Variants in ADAMTS9 observed in about 807,000 individuals in gnomAD.
The protein encoded by ADAMTS9 is ADAM metallopeptidase with thrombospondin type 1 motif 9, also known as A disintegrin and metalloproteinase with thrombospondin motifs 9.
Under a neutral mutation model 257.1 loss-of-function variants are expected in ADAMTS9, and 107 were observed. The observed-to-expected ratio is 0.42, with a 90% confidence interval of 0.36 to 0.49. ADAMTS9 has a LOEUF of 0.49. ADAMTS9 is among the 20% of genes least tolerant of loss of function. The probability of loss-of-function intolerance (pLI) is 0.03; values close to 1 mark genes in which losing one functional copy is unlikely to be tolerated. For missense variants in ADAMTS9, 2,353 were observed against 2,469.1 expected (o/e 0.95, Z 1.00); for synonymous variants, 982 against 880.9 (o/e 1.11, Z -2.03).
At chr3:64,657,394 TG>T (rs1482356475) in intron 4 of ADAMTS9, among the ~76,000 whole-genome samples, 1 of 152,216 alleles carries the variant, frequency 6.6e-6, no homozygotes, top group Non-Finnish European at 1.5e-5. Context: ...TGATGCACAG[TG>T]GCGCAATCAA....
chr3:64,550,970 C>T lies in ADAMTS9; in HGVS notation c.4791G>A (p.Val1597=), dbSNP rs768539345. 6.8e-6 allele frequency: 11 copies of T among 1,614,108 alleles called. No homozygotes were observed. In the East Asian group the frequency reaches 2.0e-4, roughly 29 times the overall value. Residue 1597 remains valine, a synonymous_variant, in exon 31 of 40, where the codon GTG becomes GTA. Transcript: ENST00000498707. ...KNEVHGARCD[V]SKRPVDRESC... ...TTTCACGGTCCACCGGCCGCTTGCT[C>T]ACGTCACAGCGTGCCCCATGCACCT...
At chr3:64,532,746 T>A (rs932637834) in intron 38 of ADAMTS9, among the ~76,000 whole-genome samples, 19 of 152,210 alleles carry the variant, frequency 1.2e-4, no homozygotes, top group Admixed American at 1.2e-3. Context: ...TAATAAGTTA[T>A]CTGTCTTCTA....
At chr3:64,534,982 T>C (rs1407223232) in intron 37 of ADAMTS9, among the ~76,000 whole-genome samples, 1 of 152,210 alleles carries the variant, frequency 6.6e-6, no homozygotes, top group African/African-American at 2.4e-5. Flanking sequence ...GGAGATCATC[T>C]GTAAAATGGA....
intron 29 of ADAMTS9, among the ~76,000 whole-genome samples, chr3:64,564,821 C>A (rs2083502324): frequency 6.6e-6 from 1 of 152,028 alleles, no homozygotes; most frequent in African/African-American, 2.4e-5. Flanking sequence ...ACCTCTGATA[C>A]TTCCCAATAA....
intron 29 of ADAMTS9, among the ~76,000 whole-genome samples, chr3:64,563,891 C>T (rs970624102): frequency 1.3e-5 from 2 of 152,214 alleles, no homozygotes; most frequent in Non-Finnish European, 2.9e-5. Flanking sequence ...CTGTGTTCAA[C>T]TTTTCTTCCT....
intron 22 of ADAMTS9, among the ~76,000 whole-genome samples, chr3:64,612,214 G>T (rs1181475657): frequency 1.3e-5 from 2 of 151,930 alleles, no homozygotes; most frequent in Non-Finnish European, 2.9e-5. Flanking sequence ...GAAAAAAAAA[G>T]ATCTCTAATT....
chr3:64,571,723 T>G (rs1181958826), intron 28 of ADAMTS9, among the ~76,000 whole-genome samples: 1 of 152,206 alleles, frequency 6.6e-6, no homozygotes, highest in Non-Finnish European at 1.5e-5. Context: ...CAAATACTCT[T>G]CTTTTAATGC....
intron 39 of ADAMTS9, among the ~76,000 whole-genome samples, chr3:64,519,072 C>T (rs1457589041): frequency 6.6e-6 from 1 of 152,114 alleles, no homozygotes; most frequent in Admixed American, 6.6e-5. Context: ...GCCACCGTGC[C>T]CAGCCTCATC....
chr3:64,526,370 A>G (rs2082910335), intron 38 of ADAMTS9, among the ~76,000 whole-genome samples: 1 of 152,212 alleles, frequency 6.6e-6, no homozygotes, highest in African/African-American at 2.4e-5. Flanking sequence ...ACAATAAAAT[A>G]GGATAAAATA....
chr3:64,574,308 C>A (rs1456935903), intron 28 of ADAMTS9, among the ~76,000 whole-genome samples: 1 of 152,162 alleles, frequency 6.6e-6, no homozygotes, highest in Non-Finnish European at 1.5e-5. Context: ...TTAATTCCAA[C>A]AGCAGTCTGG....
At chr3:64,559,512 TCA>T (rs1448822405) in intron 30 of ADAMTS9, among the ~76,000 whole-genome samples, 1 of 152,224 alleles carries the variant, frequency 6.6e-6, no homozygotes, top group Non-Finnish European at 1.5e-5. Context: ...TTCCTGTTAC[TCA>T]CAGAGTCTTT....
rs1315500093 is a variant in ADAMTS9 at position 64,639,920 on chromosome 3, G to A, written c.1856+1928C>T. On this transcript the variant is annotated intron_variant, in intron 12 of 39. Transcript: ENST00000498707. ...TTTACATCCACAATCTGAAAAGTCT[G>A]AAATGACACACACTGAATTACTTTT... Among the ~76,000 whole-genome samples the A allele has an allele frequency of 2.6e-5, 4 of 152,120 alleles. No individual in the cohort carries two copies. The East Asian group carries it at 7.7e-4, about 29-fold the overall frequency.
chr3:64,547,492 A>G (rs1194431288), intron 31 of ADAMTS9, among the ~76,000 whole-genome samples: 1 of 140,224 alleles, frequency 7.1e-6, no homozygotes, highest in Non-Finnish European at 1.6e-5. Flanking sequence ...TCTTTCTCCT[A>G]TCTCTCTCCC....
Position 64,681,218 on chromosome 3 carries a change from T to G in ADAMTS9, c.662A>C (p.His221Pro). Residue 221 changes from histidine to proline, a missense_variant, in exon 3 of 40, where the codon CAT (histidine) becomes CCT (proline). Physicochemically the swap from His to Pro is moderately conservative, Grantham distance 77 (BLOSUM62 -2). Coordinates refer to ENST00000498707, the MANE Select transcript of ADAMTS9 (RefSeq NM_182920.2). ...GCAAATACCTGAGGTGTCACATGCATGCCTTCCTGTTGAGGGCTCTCTCTG... is the reference window on the plus strand; with the variant it reads ...GCAAATACCTGAGGTGTCACATGCAGGCCTTCCTGTTGAGGGCTCTCTCTG... ...APQREPSTGR[H>P]ACDTSEHKNR... The G allele has an allele frequency of 1.2e-6, 2 of 1,613,192 alleles. No individual in the cohort carries two copies. The highest frequency in any genetic ancestry group is 2.7e-5 in the African/African-American group (2 of 75,014).
intron 27 of ADAMTS9, among the ~76,000 whole-genome samples, chr3:64,594,739 G>A (rs55935603): frequency 0.016 from 2,494 of 152,268 alleles, 58 homozygotes; most frequent in African/African-American, 0.056. Context: ...TTAAGGTGAA[G>A]GGAGGTTAAT....
At chr3:64,533,551 A>G (rs1253165671) in intron 37 of ADAMTS9, among the ~76,000 whole-genome samples, 1 of 152,242 alleles carries the variant, frequency 6.6e-6, no homozygotes, top group East Asian at 1.9e-4. Context: ...AGGATACGGT[A>G]GGAGTCCAAC....
At chr3:64,534,055 C>G (rs1575987378) in intron 37 of ADAMTS9, among the ~76,000 whole-genome samples, 2 of 152,190 alleles carry the variant, frequency 1.3e-5, no homozygotes, top group East Asian at 3.9e-4. Flanking sequence ...TTGAGGCTTC[C>G]TACTCCACAA....
chr3:64,550,739 C>T, intron 31 of ADAMTS9, 153 bp downstream of exon 31: 1 of 884,178 alleles, frequency 1.1e-6, no homozygotes. Flanking sequence ...CTTGGGAAAG[C>T]TGAGGACTTG....
intron 38 of ADAMTS9, among the ~76,000 whole-genome samples, chr3:64,530,385 A>T (rs1012618625): frequency 4.6e-5 from 7 of 152,072 alleles, no homozygotes; most frequent in African/African-American, 1.7e-4. Context: ...ACACGGGGGA[A>T]GTCAGACAGC....
Sources: allele counts gnomAD v4.1 joint callset (sites outside exome capture counted in the v4.1 genomes callset), GRCh38; gene constraint gnomAD v4.1.1; transcripts MANE v1.5; gene names NCBI Gene and HGNC (gene_info 2026-07-23, HGNC 2026-07-21).